Variants in SNX7 observed in about 807,000 individuals in gnomAD.
SNX7 encodes sorting nexin 7, also known as sorting nexin-7.
In SNX7, 35 loss-of-function variants were observed where a neutral mutation model predicts 48.4. The observed-to-expected ratio is 0.72, with a 90% CI of 0.55 to 0.96. The LOEUF (loss-of-function observed/expected upper bound fraction) is 0.96, where lower values mean the gene tolerates loss of function less well. Ranked by LOEUF, SNX7 falls within the 40% of genes least tolerant of loss-of-function variation. The probability of loss-of-function intolerance (pLI) is 0.00; values close to 1 mark genes in which losing one functional copy is unlikely to be tolerated. For missense variants in SNX7, 553 were observed against 548.9 expected (o/e 1.01, Z -0.07); for synonymous variants, 190 against 190.2 (o/e 1.00, Z 0.01).
intron 7 of SNX7, among the ~76,000 whole-genome samples, chr1:98,728,402 A>G (rs1425017011): frequency 6.6e-6 from 1 of 152,034 alleles, no homozygotes; most frequent in African/African-American, 2.4e-5. Flanking sequence ...AAGTCTATAA[A>G]ATAACCAGCT....
At chr1:98,671,116 T>A (rs976696099) in intron 1 of SNX7, among the ~76,000 whole-genome samples, 31 of 152,240 alleles carry the variant, frequency 2.0e-4, no homozygotes, top group Admixed American at 7.8e-4. Context: ...ATTCAATAGC[T>A]ATGTGGTTAC....
upstream of SNX7, among the ~76,000 whole-genome samples, chr1:98,661,402 C>T (rs949011398): frequency 1.3e-5 from 2 of 152,130 alleles, no homozygotes; most frequent in Admixed American, 1.3e-4. Flanking sequence ...CTGCGGAAAC[C>T]GTCACTCGGT....
chr1:98,746,923 C>A (rs1654336385), intron 8 of SNX7, among the ~76,000 whole-genome samples: 1 of 151,910 alleles, frequency 6.6e-6, no homozygotes, highest in Admixed American at 6.6e-5. Context: ...ATAAGATAAT[C>A]TTTAGCATGG....
intron 1 of SNX7, chr1:98,677,388 G>A (rs1450226141): frequency 1.3e-5 from 2 of 152,258 alleles, no homozygotes; most frequent in African/African-American, 2.4e-5. Context: ...TTGGGGTTGA[G>A]AATAAGGCTG....
At chr1:98,665,362 G>T (rs778533995) in intron 1 of SNX7, among the ~76,000 whole-genome samples, 1 of 152,058 alleles carries the variant, frequency 6.6e-6, no homozygotes, top group South Asian at 2.1e-4. Context: ...AGTTCTGGAA[G>T]GTAGCGAACA....
intron 4 of SNX7, among the ~76,000 whole-genome samples, chr1:98,694,058 A>T (rs921099718): frequency 2.0e-5 from 3 of 152,162 alleles, no homozygotes; most frequent in African/African-American, 7.2e-5. Context: ...GTATGAAATA[A>T]CTAGTTTCGT....
intron 5 of SNX7, among the ~76,000 whole-genome samples, chr1:98,697,981 T>C (rs1651549094): frequency 1.3e-5 from 2 of 152,150 alleles, no homozygotes; most frequent in South Asian, 2.1e-4. Context: ...TTGGCTTGAG[T>C]TAAAATCTTT....
intron 6 of SNX7, among the ~76,000 whole-genome samples, chr1:98,699,660 C>T (rs1651651690): frequency 6.6e-6 from 1 of 152,040 alleles, no homozygotes; most frequent in African/African-American, 2.4e-5. Flanking sequence ...TTTCTTTGGA[C>T]ATGTACCCTT....
At chr1:98,705,777 T>G (rs1237900279) in intron 7 of SNX7, among the ~76,000 whole-genome samples, 1 of 151,974 alleles carries the variant, frequency 6.6e-6, no homozygotes, top group Non-Finnish European at 1.5e-5. Context: ...ATCTGTCAGG[T>G]TGAGAAATAT....
chr1:98,683,878 C>T (rs1161571157), intron 1 of SNX7, among the ~76,000 whole-genome samples: 2 of 152,158 alleles, frequency 1.3e-5, no homozygotes, highest in African/African-American at 2.4e-5. Flanking sequence ...GACTTCTTCC[C>T]TATCCTACTG....
intron 1 of SNX7, among the ~76,000 whole-genome samples, chr1:98,672,949 A>G (rs928130536): frequency 2.1e-4 from 29 of 139,728 alleles, no homozygotes; most frequent in Non-Finnish European, 3.2e-4. Context: ...AAAAAAAAAA[A>G]AAAGAAATTA....
chr1:98,698,405 G>T (rs1236919218), intron 5 of SNX7, among the ~76,000 whole-genome samples: 1 of 152,100 alleles, frequency 6.6e-6, no homozygotes, highest in Non-Finnish European at 1.5e-5. Context: ...TAGTTGTGTG[G>T]TAGGCAGAAG....
intron 7 of SNX7, among the ~76,000 whole-genome samples, chr1:98,721,856 A>AT (rs1214157403): frequency 6.6e-6 from 1 of 152,082 alleles, no homozygotes; most frequent in Non-Finnish European, 1.5e-5. Flanking sequence ...AGGACTGTGA[A>AT]TTTTTTTGTT....
At chr1:98,692,476 C>A (rs112462854) in intron 4 of SNX7, among the ~76,000 whole-genome samples, 52 of 152,216 alleles carry the variant, frequency 3.4e-4, no homozygotes, top group African/African-American at 1.3e-3. Context: ...GGGAACATTT[C>A]CAGCATCACT....
chr1:98,668,432 C>T (rs1649661172), intron 1 of SNX7, among the ~76,000 whole-genome samples: 1 of 152,194 alleles, frequency 6.6e-6, no homozygotes, highest in African/African-American at 2.4e-5. Context: ...GCCTCATCTT[C>T]AGATGCCAGT....
At chr1:98,661,592 C>A (rs1649212399), upstream of SNX7, 2 of 785,078 alleles carry the variant, frequency 2.5e-6, no homozygotes, top group South Asian at 1.3e-4. Flanking sequence ...CTGGTCCCGG[C>A]AGTTCCGCGT....
At chr1:98,748,642 A>ACG (rs1210643089) in intron 8 of SNX7, among the ~76,000 whole-genome samples, 2 of 148,952 alleles carry the variant, frequency 1.3e-5, no homozygotes, top group African/African-American at 5.0e-5. Context: ...ATTTAAACAC[A>ACG]CACACACACA....
intron 7 of SNX7, among the ~76,000 whole-genome samples, chr1:98,725,793 AC>A (rs1331632297): frequency 6.6e-6 from 1 of 152,210 alleles, no homozygotes; most frequent in African/African-American, 2.4e-5. Flanking sequence ...TAGCGTGGCA[AC>A]CTAAGTTTCT....
chr1:98,728,688 A>G (rs1252192818), intron 7 of SNX7, among the ~76,000 whole-genome samples: 1 of 152,176 alleles, frequency 6.6e-6, no homozygotes, highest in East Asian at 1.9e-4. Context: ...AACAAAGATC[A>G]AAAAAGACAA....
Sources: allele counts gnomAD v4.1 joint callset (sites outside exome capture counted in the v4.1 genomes callset), GRCh38; gene constraint gnomAD v4.1.1; transcripts MANE v1.5; gene names NCBI Gene and HGNC (gene_info 2026-07-23, HGNC 2026-07-21).